ANO2: variants seen among roughly 807,000 people sequenced by gnomAD.
ANO2 encodes the protein anoctamin-2.
A neutral mutation model predicts 124.2 loss-of-function variants in ANO2; 101 were observed. That is an observed-to-expected ratio of 0.81 (90% CI 0.69 to 0.96). ANO2 has a LOEUF of 0.96. Ranked by LOEUF, ANO2 falls within the 40% of genes least tolerant of loss-of-function variation. The pLI is 0.00. For synonymous variants in ANO2, 486 were observed against 482.5 expected (o/e 1.01, Z -0.09); for missense variants, 1,293 against 1,274.5 (o/e 1.01, Z -0.22).
At chr12:5,866,609 G>A (rs540011495) in intron 3 of ANO2, among the ~76,000 whole-genome samples, 3 of 152,352 alleles carry the variant, frequency 2.0e-5, no homozygotes, top group South Asian at 4.1e-4. Flanking sequence ...TGCACATGCC[G>A]TTGTGAGCGG....
intron 7 of ANO2, among the ~76,000 whole-genome samples, chr12:5,821,118 A>C (rs1050586552): frequency 3.9e-5 from 6 of 152,206 alleles, no homozygotes; most frequent in Non-Finnish European, 7.3e-5. Flanking sequence ...CATTATGCTG[A>C]CTGGATCCAG....
intron 19 of ANO2, among the ~76,000 whole-genome samples, chr12:5,611,214 C>A (rs529725185): frequency 1.1e-4 from 17 of 152,034 alleles, no homozygotes; most frequent in Non-Finnish European, 1.9e-4. Flanking sequence ...CGTGATCCGC[C>A]CACCTCAGCT....
intron 20 of ANO2, among the ~76,000 whole-genome samples, chr12:5,597,834 T>C (rs1943738554): frequency 6.6e-6 from 1 of 152,208 alleles, no homozygotes; most frequent in Non-Finnish European, 1.5e-5. Flanking sequence ...CAATATCCTT[T>C]GTGTAAATAC....
chr12:5,677,600 G>A (rs1281936884), intron 14 of ANO2, among the ~76,000 whole-genome samples: 2 of 152,120 alleles, frequency 1.3e-5, no homozygotes, highest in East Asian at 1.9e-4. Context: ...GCAGAGTGGA[G>A]AGGAGCATGA....
intron 12 of ANO2, 93 bp downstream of exon 12, chr12:5,744,064 T>A: frequency 6.7e-7 from 1 of 1,490,660 alleles, no homozygotes; most frequent in Non-Finnish European, 9.1e-7. Flanking sequence ...AATGCGAAAG[T>A]AAGTAACCTG....
intron 19 of ANO2, 70 bp downstream of exon 19, chr12:5,612,586 G>T: frequency 1.5e-6 from 2 of 1,312,084 alleles, no homozygotes; most frequent in Non-Finnish European, 2.2e-6. Context: ...TAGAAAACCT[G>T]CTGAAAGGCT....
At chr12:5,571,207 C>A (rs1308331284) in intron 23 of ANO2, among the ~76,000 whole-genome samples, 1 of 152,192 alleles carries the variant, frequency 6.6e-6, no homozygotes, top group Non-Finnish European at 1.5e-5. Flanking sequence ...ATCTATGCTC[C>A]CTTCCAGCTG....
chr12:5,811,304 G>C (rs916166186), intron 7 of ANO2, among the ~76,000 whole-genome samples: 1 of 152,166 alleles, frequency 6.6e-6, no homozygotes, highest in African/African-American at 2.4e-5. Flanking sequence ...ATTTAACAGA[G>C]ACTATATTTA....
At chr12:5,921,944 C>T (rs186534527) in intron 2 of ANO2, among the ~76,000 whole-genome samples, 82 of 152,292 alleles carry the variant, frequency 5.4e-4, no homozygotes, top group African/African-American at 1.9e-3. Flanking sequence ...ACAGAATACT[C>T]ACAGGCAGGT....
chr12:5,785,571 A>G (rs1952516282), intron 10 of ANO2, among the ~76,000 whole-genome samples: 2 of 152,148 alleles, frequency 1.3e-5, no homozygotes, highest in African/African-American at 4.8e-5. Context: ...GGTTGTGCAG[A>G]TAAGAGCCCC....
chr12:5,613,771 G>C (rs1441413241), intron 17 of ANO2, among the ~76,000 whole-genome samples: 1 of 152,190 alleles, frequency 6.6e-6, no homozygotes, highest in Non-Finnish European at 1.5e-5. Flanking sequence ...GGAGATGATA[G>C]TGTGCTGTTG....
chr12:5,649,876 C>T (rs899685093), intron 14 of ANO2, among the ~76,000 whole-genome samples: 1 of 152,070 alleles, frequency 6.6e-6, no homozygotes, highest in African/African-American at 2.4e-5. Context: ...GATCTCCTGA[C>T]CTCGTGATCT....
intron 20 of ANO2, among the ~76,000 whole-genome samples, chr12:5,585,180 A>G (rs1455867966): frequency 1.3e-5 from 2 of 151,964 alleles, no homozygotes; most frequent in African/African-American, 4.8e-5. Context: ...GAAGACGCAT[A>G]AGAAAATTTG....
intron 3 of ANO2, among the ~76,000 whole-genome samples, chr12:5,906,366 AAAAG>A (rs1327199116): frequency 1.3e-4 from 20 of 150,698 alleles, no homozygotes; most frequent in African/African-American, 4.7e-4. Flanking sequence ...AAAAAAAAGA[AAAAG>A]AAAAAAAGAG....
intron 10 of ANO2, among the ~76,000 whole-genome samples, chr12:5,756,540 T>C (rs1951585112): frequency 5.3e-5 from 8 of 152,218 alleles, no homozygotes; most frequent in Admixed American, 5.2e-4. Context: ...TCAGAGATTA[T>C]GGGTGGATCA....
rs113433099 is a variant in ANO2, at chr12:5,798,376, G to A, written c.1055+1131C>T. Among the ~76,000 whole-genome samples, 294 of 152,190 alleles carry A rather than the reference G, an allele frequency of 1.9e-3. 3 individuals carry two copies. Among genetic ancestry groups the A allele is most frequent in the Non-Finnish European group, 2.5e-3 (173 of 67,990 alleles). The stretch of plus-strand genomic sequence containing the variant: ...CCAAGCTCTGTCCGCTGGGAGGGCC[G>A]CTGCATCTCTGTGTAGGAGGTGAGC... On this transcript the variant is annotated intron_variant, in intron 10 of 24. Coordinates refer to ENST00000682330, the MANE Select transcript of ANO2 (RefSeq NM_001364791.2).
intron 9 of ANO2, among the ~76,000 whole-genome samples, chr12:5,799,895 G>T (rs1033289433): frequency 8.5e-5 from 13 of 152,198 alleles, no homozygotes; most frequent in Middle Eastern, 3.2e-3. Flanking sequence ...AGTATTTATT[G>T]ACATCTCCTT....
chr12:5,749,074 T>C (rs906408123), intron 11 of ANO2, among the ~76,000 whole-genome samples: 4 of 152,224 alleles, frequency 2.6e-5, no homozygotes, highest in African/African-American at 9.6e-5. Flanking sequence ...GACAACATCA[T>C]CTCCAGGTGA....
At chr12:5,616,034 CCT>C (rs1326370227) in intron 16 of ANO2, among the ~76,000 whole-genome samples, 1 of 152,088 alleles carries the variant, frequency 6.6e-6, no homozygotes, top group Non-Finnish European at 1.5e-5. Context: ...TGAGCAGAAA[CCT>C]CAGAGGTGCC....
Sources: allele counts gnomAD v4.1 joint callset (sites outside exome capture counted in the v4.1 genomes callset), GRCh38; gene constraint gnomAD v4.1.1; transcripts MANE v1.5; gene names NCBI Gene and HGNC (gene_info 2026-07-23, HGNC 2026-07-21).